Variants in PKIA observed in about 807,000 individuals in gnomAD.
PKIA encodes the protein PKI-alpha.
Under a neutral mutation model 7.6 loss-of-function variants are expected in PKIA, and 4 were observed. The observed-to-expected ratio is 0.52, with a 90% confidence interval of 0.26 to 1.20. The LOEUF (loss-of-function observed/expected upper bound fraction) is 1.20, where lower values mean the gene tolerates loss of function less well. PKIA is among the 50% of genes most tolerant of loss of function. The probability of loss-of-function intolerance (pLI) is 0.13; values close to 1 mark genes in which losing one functional copy is unlikely to be tolerated. For missense variants in PKIA, 73 were observed against 86.2 expected, an observed-to-expected ratio of 0.85 and a Z score of 0.61; for synonymous variants, 21 against 30.7, an observed-to-expected ratio of 0.68 and a Z score of 1.04.
At chr8:78,516,991 CTT>C (rs1809328453) in intron 1 of PKIA, among the ~76,000 whole-genome samples, 2 of 152,186 alleles carry the variant, frequency 1.3e-5, no homozygotes, top group Admixed American at 6.5e-5. Flanking sequence ...GGAGGGGAAA[CTT>C]CTCTTATCTC....
chr8:78,560,878 C>A (rs150385049), intron 1 of PKIA, among the ~76,000 whole-genome samples: 1 of 152,156 alleles, frequency 6.6e-6, no homozygotes, highest in Non-Finnish European at 1.5e-5. Context: ...AGAAACCAGG[C>A]TCAGGAAGAT....
intron 1 of PKIA, among the ~76,000 whole-genome samples, chr8:78,529,948 T>G (rs1806353431): frequency 6.6e-6 from 1 of 152,002 alleles, no homozygotes; most frequent in African/African-American, 2.4e-5. Context: ...TAAAAAGAAA[T>G]TCATGTTTGG....
intron 2 of PKIA, among the ~76,000 whole-genome samples, chr8:78,579,935 T>C (rs993079112): frequency 1.3e-5 from 2 of 152,038 alleles, no homozygotes; most frequent in East Asian, 1.9e-4. Context: ...GGTATATTTG[T>C]TCAGATAAAC....
chr8:78,517,499 C>T (rs550608759), intron 1 of PKIA, among the ~76,000 whole-genome samples: 1 of 152,282 alleles, frequency 6.6e-6, no homozygotes, highest in South Asian at 2.1e-4. Context: ...AGATTTGGGA[C>T]AAATCCTTTC....
rs1022021531 is a variant in PKIA, at chr8:78,572,814, C to T, written c.-153C>T. On this transcript the variant is annotated 5_prime_UTR_variant, in exon 2 of 4. Coordinates refer to ENST00000396418, the MANE Select transcript of PKIA (RefSeq NM_006823.4). The stretch of plus-strand genomic sequence containing the variant: ...TCTCTTGCTATCTGCATTTCAGTTT[C>T]CTGACTTTCTGAGAAGCCCTGGTTT... The T allele has an allele frequency of 7.2e-5, 11 of 151,958 alleles. No individual in the cohort carries two copies. Among genetic ancestry groups the T allele is most frequent in the African/African-American group, 2.4e-4 (10 of 41,494 alleles). 9.4% of individuals were successfully genotyped at this position (151,958 alleles called of 1,614,324 possible). A position where few individuals can be genotyped will look rare whatever the true frequency, so the allele number is the denominator to read the frequency against.
intron 1 of PKIA, among the ~76,000 whole-genome samples, chr8:78,542,292 G>C (rs117182884): frequency 0.036 from 5,524 of 152,072 alleles, 153 homozygotes; most frequent in South Asian, 0.071. Flanking sequence ...TCTCTGTTCA[G>C]GCCACTTCCT....
intron 2 of PKIA, among the ~76,000 whole-genome samples, chr8:78,581,295 C>T (rs1807801421): frequency 6.6e-6 from 1 of 151,808 alleles, no homozygotes; most frequent in Non-Finnish European, 1.5e-5. Flanking sequence ...AATAGAAACT[C>T]GTTGTAGTTA....
chr8:78,522,742 A>C (rs1809440089), intron 1 of PKIA, among the ~76,000 whole-genome samples: 1 of 151,942 alleles, frequency 6.6e-6, no homozygotes, highest in African/African-American at 2.4e-5. Context: ...AAACATCTCT[A>C]GCTAGTTTTT....
chr8:78,554,024 T>C (rs888539891), intron 1 of PKIA, among the ~76,000 whole-genome samples: 1 of 151,860 alleles, frequency 6.6e-6, no homozygotes, highest in African/African-American at 2.4e-5. Context: ...CACTGCAGTG[T>C]TGGGAACCAA....
chr8:78,541,571 A>G (rs1444734939), intron 1 of PKIA, among the ~76,000 whole-genome samples: 1 of 152,164 alleles, frequency 6.6e-6, no homozygotes, highest in Non-Finnish European at 1.5e-5. Flanking sequence ...TTTTGTTAAA[A>G]CATTGCAAAA....
chr8:78,584,022 CTATAAGACTTTTAAAAATATA>C (rs1807885100), intron 2 of PKIA, among the ~76,000 whole-genome samples: 1 of 152,048 alleles, frequency 6.6e-6, no homozygotes, highest in Non-Finnish European at 1.5e-5. Context: ...CTAAGGATTT[CTATAAGACTTTTAAAAATATA>C]TGTAAAACAG....
At chr8:78,531,141 A>G (rs1806378282) in intron 1 of PKIA, among the ~76,000 whole-genome samples, 1 of 152,100 alleles carries the variant, frequency 6.6e-6, no homozygotes, top group African/African-American at 2.4e-5. Context: ...TTCTTTCTGT[A>G]TGAATTTTCA....
intron 1 of PKIA, among the ~76,000 whole-genome samples, chr8:78,522,729 T>C (rs936962222): frequency 2.6e-5 from 4 of 151,962 alleles, no homozygotes; most frequent in African/African-American, 7.2e-5. Flanking sequence ...TGTGGAATAG[T>C]AGAAACATCT....
chr8:78,545,557 G>A (rs115301683), intron 1 of PKIA, among the ~76,000 whole-genome samples: 1 of 152,184 alleles, frequency 6.6e-6, no homozygotes, highest in South Asian at 2.1e-4. Context: ...AGCATATTTT[G>A]TATACTAATT....
At chr8:78,518,024 C>T (rs1375720566) in intron 1 of PKIA, among the ~76,000 whole-genome samples, 1 of 152,164 alleles carries the variant, frequency 6.6e-6, no homozygotes, top group Non-Finnish European at 1.5e-5. Context: ...TTTCTTTCCT[C>T]TTCAAATATT....
chr8:78,522,975 C>T (rs951479450), intron 1 of PKIA, among the ~76,000 whole-genome samples: 2 of 151,676 alleles, frequency 1.3e-5, no homozygotes, highest in African/African-American at 4.8e-5. Context: ...AAATATTTGG[C>T]GTATGTGAAG....
chr8:78,589,982 G>A (rs1473187356), intron 2 of PKIA, among the ~76,000 whole-genome samples: 1 of 152,050 alleles, frequency 6.6e-6, no homozygotes, highest in African/African-American at 2.4e-5. Flanking sequence ...GTTCAAACTT[G>A]GACATTTGGC....
intron 1 of PKIA, among the ~76,000 whole-genome samples, chr8:78,567,563 G>A (rs1412626308): frequency 6.7e-6 from 1 of 150,036 alleles, no homozygotes; most frequent in African/African-American, 2.5e-5. Context: ...TGTCAACCTT[G>A]ATCACCTGGC....
chr8:78,558,116 T>C (rs1315537680), intron 1 of PKIA, among the ~76,000 whole-genome samples: 1 of 119,458 alleles, frequency 8.4e-6, no homozygotes, highest in East Asian at 2.2e-4. Flanking sequence ...AATTATCTAA[T>C]ATTTTACATT....
Sources: allele counts gnomAD v4.1 joint callset (sites outside exome capture counted in the v4.1 genomes callset), GRCh38; gene constraint gnomAD v4.1.1; transcripts MANE v1.5; gene names NCBI Gene and HGNC (gene_info 2026-07-23, HGNC 2026-07-21).